THSD7B: variants seen among roughly 807,000 people sequenced by gnomAD.
The protein encoded by THSD7B is thrombospondin type-1 domain-containing protein 7B.
THSD7B carries 138 observed loss-of-function variants against 213.6 expected under a neutral mutation model. The ratio of observed to expected loss-of-function variants is 0.65; its 90% CI spans 0.56 to 0.74. The LOEUF (loss-of-function observed/expected upper bound fraction) is 0.74, where lower values mean the gene tolerates loss of function less well. Among genes scored for constraint, THSD7B ranks in the 30% least tolerant of loss-of-function variants. The pLI, the probability that THSD7B is intolerant of heterozygous loss-of-function variation, is 0.00. For missense variants in THSD7B, 1,931 were observed against 1,991.5 expected (o/e 0.97, Z 0.58); for synonymous variants, 742 against 687.0 (o/e 1.08, Z -1.25).
intron 12 of THSD7B, among the ~76,000 whole-genome samples, chr2:137,306,293 A>G (rs992045052): frequency 5.9e-5 from 9 of 152,122 alleles, no homozygotes; most frequent in South Asian, 2.1e-4. Context: ...TCATTAATGG[A>G]CCAAAAAGTC....
Position 137,543,374 on chromosome 2 carries a change from A to G in THSD7B, c.3139-19847A>G, listed in dbSNP as rs528554197. Among the ~76,000 whole-genome samples the G allele has an allele frequency of 2.3e-4, 35 of 151,966 alleles. No homozygotes were observed. In the South Asian group the frequency reaches 2.9e-3, roughly 13 times the overall value. On this transcript the variant is annotated intron_variant, in intron 15 of 27. Coordinates refer to ENST00000409968, the MANE Select transcript of THSD7B (RefSeq NM_001316349.2). ...CTTAACACAGGTGCCAAGGCAATGCAATGAAGAAAAACTGTCTTTTTGACA... is the reference window on the plus strand; with the variant it reads ...CTTAACACAGGTGCCAAGGCAATGCGATGAAGAAAAACTGTCTTTTTGACA...
chr2:137,490,361 G>A (rs546593518), intron 15 of THSD7B, among the ~76,000 whole-genome samples: 1 of 152,148 alleles, frequency 6.6e-6, no homozygotes, highest in Non-Finnish European at 1.5e-5. Context: ...TAAAAAAATC[G>A]ATTCCTAATA....
At chr2:137,479,942 G>A (rs970669240) in intron 15 of THSD7B, among the ~76,000 whole-genome samples, 8 of 152,112 alleles carry the variant, frequency 5.3e-5, no homozygotes, top group East Asian at 1.9e-4. Flanking sequence ...GGTCCATGAA[G>A]GTCAGGGGGT....
intron 2 of THSD7B, among the ~76,000 whole-genome samples, chr2:136,935,371 T>C (rs1684704618): frequency 6.6e-6 from 1 of 152,158 alleles, no homozygotes; most frequent in African/African-American, 2.4e-5. Context: ...ATCATGGTAT[T>C]GTGGTGAGGA....
At chr2:137,411,895 A>C in intron 14 of THSD7B, 23 bp downstream of exon 14, 1 of 1,612,346 alleles carries the variant, frequency 6.2e-7, no homozygotes. Context: ...ATGGAGAGTA[A>C]CAGATGAGAA....
At chr2:137,014,909 A>C (rs1395981420) in intron 2 of THSD7B, among the ~76,000 whole-genome samples, 1 of 151,400 alleles carries the variant, frequency 6.6e-6, no homozygotes, top group South Asian at 2.1e-4. Context: ...CCAGCCTGGA[A>C]CCCCTCCCCT....
At chr2:136,822,308 G>A (rs1247540349) in intron 1 of THSD7B, among the ~76,000 whole-genome samples, 3 of 152,140 alleles carry the variant, frequency 2.0e-5, no homozygotes, top group South Asian at 2.1e-4. Flanking sequence ...CCCTTCGGCC[G>A]TTTGTGTATT....
chr2:137,560,698 A>C (rs1340737218), intron 15 of THSD7B, among the ~76,000 whole-genome samples: 1 of 152,078 alleles, frequency 6.6e-6, no homozygotes, highest in African/African-American at 2.4e-5. Flanking sequence ...GTACCCTAGA[A>C]CTTAAGGTAT....
intron 1 of THSD7B, among the ~76,000 whole-genome samples, chr2:136,851,363 C>T (rs1441521551): frequency 6.6e-6 from 1 of 152,114 alleles, no homozygotes; most frequent in Non-Finnish European, 1.5e-5. Context: ...TGTCTCTTAA[C>T]AGCAGCACCT....
At chr2:136,872,636 TTTC>T (rs931029001) in intron 1 of THSD7B, among the ~76,000 whole-genome samples, 1 of 151,290 alleles carries the variant, frequency 6.6e-6, no homozygotes, top group African/African-American at 2.4e-5. Flanking sequence ...CTTTTCTTTC[TTTC>T]TTTTCTCTCT....
At chr2:137,281,853 G>C (rs1351982184) in intron 12 of THSD7B, among the ~76,000 whole-genome samples, 1 of 152,094 alleles carries the variant, frequency 6.6e-6, no homozygotes, top group African/African-American at 2.4e-5. Flanking sequence ...GAATAGTGCT[G>C]CAATAAACAC....
rs1171946475 is a variant in THSD7B at position 137,111,425 on chromosome 2, G to A, written c.1200-3699G>A. ...CCATTTACCGTTTTAATCTGCCATA[G>A]TGTCATTTTATTATGAAGATATGCT... On this transcript the variant is annotated intron_variant, in intron 4 of 27. Transcript: ENST00000409968. 2.0e-5 allele frequency among the ~76,000 whole-genome samples: 3 copies of A among 152,272 alleles called. No individual in the cohort carries two copies. In the South Asian group the frequency reaches 6.2e-4, roughly 32 times the overall value.
chr2:137,040,062 C>T (rs998078983), intron 2 of THSD7B, among the ~76,000 whole-genome samples: 2 of 152,122 alleles, frequency 1.3e-5, no homozygotes, highest in Non-Finnish European at 2.9e-5. Context: ...TAATAATCAC[C>T]CCCACAGTAC....
At chr2:137,191,164 T>A (rs1206397228) in intron 7 of THSD7B, among the ~76,000 whole-genome samples, 4 of 152,198 alleles carry the variant, frequency 2.6e-5, no homozygotes, top group Admixed American at 6.5e-5. Flanking sequence ...TTCCTGAGAA[T>A]GGCAAGCAGG....
At chr2:137,206,225 TAGG>T (rs1327612377) in intron 7 of THSD7B, among the ~76,000 whole-genome samples, 3 of 152,002 alleles carry the variant, frequency 2.0e-5, no homozygotes, top group Admixed American at 2.0e-4. Context: ...CCCTCAGAGG[TAGG>T]AGGAGTCCTT....
intron 7 of THSD7B, among the ~76,000 whole-genome samples, chr2:137,224,971 G>A (rs889817055): frequency 2.6e-5 from 4 of 152,000 alleles, no homozygotes; most frequent in Non-Finnish European, 5.9e-5. Context: ...CTTATCTAAA[G>A]TATTTTCTTT....
intron 15 of THSD7B, among the ~76,000 whole-genome samples, chr2:137,515,897 G>A (rs533514405): frequency 6.6e-6 from 1 of 152,312 alleles, no homozygotes; most frequent in East Asian, 1.9e-4. Flanking sequence ...GAGTCCAGAA[G>A]ATATATCCTT....
intron 2 of THSD7B, among the ~76,000 whole-genome samples, chr2:137,031,205 A>T (rs1315619491): frequency 1.1e-5 from 1 of 91,746 alleles, no homozygotes; most frequent in Non-Finnish European, 3.1e-5. Context: ...TTAGCTGGGC[A>T]TGGTGGCGGG....
intron 12 of THSD7B, among the ~76,000 whole-genome samples, chr2:137,320,777 C>T (rs1201411877): frequency 1.3e-5 from 2 of 152,188 alleles, no homozygotes; most frequent in African/African-American, 4.8e-5. Flanking sequence ...GGCTTTGGGC[C>T]TGCCATTTCT....
Sources: gnomAD v4.1 joint callset for allele counts (sites outside exome capture counted in the v4.1 genomes callset) on GRCh38, gnomAD v4.1.1 for gene constraint, MANE v1.5 for transcripts, NCBI Gene and HGNC (gene_info 2026-07-23, HGNC 2026-07-21) for gene names.